GALNT18: variants seen among roughly 807,000 people sequenced by gnomAD.
GALNT18 encodes the protein polypeptide N-acetylgalactosaminyltransferase 18.
Under a neutral mutation model 69.5 loss-of-function variants are expected in GALNT18, and 44 were observed. The ratio of observed to expected loss-of-function variants is 0.63; its 90% CI spans 0.50 to 0.81. The LOEUF (loss-of-function observed/expected upper bound fraction) is 0.81. GALNT18 is among the 40% of genes least tolerant of loss of function. The pLI, the probability that GALNT18 is intolerant of heterozygous loss-of-function variation, is 0.00. For synonymous variants in GALNT18, 364 were observed against 318.2 expected, an observed-to-expected ratio of 1.14 and a Z score of -1.53; for missense variants, 715 against 810.0, an observed-to-expected ratio of 0.88 and a Z score of 1.42.
At position 11,444,324 on chromosome 11, in the gene GALNT18, T is replaced by C. The variant is rs976191081; in HGVS notation, c.428+4420A>G. On this transcript the variant is annotated intron_variant, in intron 2 of 10. Transcript: ENST00000227756. The surrounding 1 kb of genome is among the most constrained non-coding windows in gnomAD (Gnocchi z 4.4). ...TCTGTGACCATCACATCCAGGCCACTGCCTTACTAAAAGCCTGCGAGGACA... is the reference window on the plus strand; with the variant it reads ...TCTGTGACCATCACATCCAGGCCACCGCCTTACTAAAAGCCTGCGAGGACA... Among the ~76,000 whole-genome samples, 1 of 152,214 alleles carries C rather than the reference T, an allele frequency of 6.6e-6. No homozygotes were observed. Among genetic ancestry groups the C allele is most frequent in the East Asian group, 1.9e-4 (1 of 5,186 alleles).
At chr11:11,507,083 G>C (rs1253660453) in intron 1 of GALNT18, among the ~76,000 whole-genome samples, 1 of 152,198 alleles carries the variant, frequency 6.6e-6, no homozygotes, top group Non-Finnish European at 1.5e-5. Context: ...AGGTGAAAGT[G>C]ATCTGTGAGT....
intron 6 of GALNT18, among the ~76,000 whole-genome samples, chr11:11,363,492 A>G (rs1850687388): frequency 6.6e-6 from 1 of 152,158 alleles, no homozygotes; most frequent in African/African-American, 2.4e-5. Flanking sequence ...ATATGCTGAA[A>G]CAGTCTTGAG....
intron 5 of GALNT18, among the ~76,000 whole-genome samples, chr11:11,374,492 C>T (rs577901148): frequency 1.4e-4 from 22 of 152,318 alleles, no homozygotes; most frequent in Non-Finnish European, 2.6e-4. Context: ...TGGCATTTGC[C>T]TCTGCATTCC....
chr11:11,386,676 T>A (rs146792722), intron 3 of GALNT18, among the ~76,000 whole-genome samples: 1 of 152,190 alleles, frequency 6.6e-6, no homozygotes, highest in African/African-American at 2.4e-5. Flanking sequence ...GTATATGTTA[T>A]CTCATTTAAT....
At chr11:11,354,663 T>C (rs1449016891) in intron 6 of GALNT18, among the ~76,000 whole-genome samples, 1 of 152,202 alleles carries the variant, frequency 6.6e-6, no homozygotes, top group Non-Finnish European at 1.5e-5. Flanking sequence ...ATTCCACTGA[T>C]GATAAGATTC....
intron 1 of GALNT18, among the ~76,000 whole-genome samples, chr11:11,507,964 C>A (rs545791315): frequency 5.4e-4 from 83 of 152,310 alleles, no homozygotes; most frequent in African/African-American, 1.9e-3. Flanking sequence ...CGACCACAGA[C>A]TGAAGGCTGC....
At chr11:11,328,358 A>C (rs981024855) in intron 8 of GALNT18, among the ~76,000 whole-genome samples, 3 of 152,138 alleles carry the variant, frequency 2.0e-5, no homozygotes, top group Admixed American at 2.0e-4. Context: ...AGGGGACTGG[A>C]GATCAGAATC....
chr11:11,578,759 C>G (rs369625120), intron 1 of GALNT18, among the ~76,000 whole-genome samples: 5 of 152,212 alleles, frequency 3.3e-5, no homozygotes, highest in Non-Finnish European at 5.9e-5. Context: ...TGCCTTCCTT[C>G]GGGACTCCTG....
intron 10 of GALNT18, among the ~76,000 whole-genome samples, chr11:11,279,236 T>G (rs1173061328): frequency 6.6e-6 from 1 of 152,212 alleles, no homozygotes; most frequent in Admixed American, 6.5e-5. Context: ...CTGTACAGCC[T>G]GAAGAATCAT....
intron 9 of GALNT18, among the ~76,000 whole-genome samples, chr11:11,294,584 C>T (rs1293327728): frequency 6.8e-6 from 1 of 147,112 alleles, no homozygotes; most frequent in African/African-American, 2.5e-5. Context: ...ACTCAACGCT[C>T]CTACTGTAGT....
At position 11,513,799 on chromosome 11, in the gene GALNT18, A is replaced by AT. The variant is rs895960606; in HGVS notation, c.236-64864dup. On this transcript the variant is annotated intron_variant, in intron 1 of 10. Transcript: ENST00000227756. ...CAGGGGGAACATAATTTATTTATTT[A>AT]TTTTTTTTGTAAAGCTTTAAAGGTG... Among the ~76,000 whole-genome samples the AT allele has an allele frequency of 1.1e-4, 16 of 152,102 alleles. No homozygotes were observed. In the East Asian group the frequency reaches 1.7e-3, roughly 16 times the overall value.
chr11:11,275,826 A>G (rs972978895), intron 10 of GALNT18, among the ~76,000 whole-genome samples: 20 of 152,170 alleles, frequency 1.3e-4, no homozygotes, highest in African/African-American at 4.3e-4. Context: ...CAGGTTTGTC[A>G]AAGATCAGAT....
intron 6 of GALNT18, among the ~76,000 whole-genome samples, chr11:11,362,265 T>A (rs1238900628): frequency 6.6e-6 from 1 of 151,854 alleles, no homozygotes; most frequent in Non-Finnish European, 1.5e-5. Context: ...AACCTGAGAG[T>A]GGGTAAGATT....
rs1422613902 is a variant in GALNT18, at chr11:11,590,969, ATTCC to A, written c.235+30386_235+30389del. Among the ~76,000 whole-genome samples, 1 of 152,190 alleles carries A rather than the reference ATTCC, an allele frequency of 6.6e-6. No homozygotes were observed. The highest frequency in any genetic ancestry group is 2.4e-5 in the African/African-American group (1 of 41,446). ...TATTTTTACTATTATTTTAGAATATATTCCTTCTACTTAATTTTTTTTAAGTTAA... is the reference window on the plus strand; with the variant it reads ...TATTTTTACTATTATTTTAGAATATATTCTACTTAATTTTTTTTAAGTTAA... On this transcript the variant is annotated intron_variant, in intron 1 of 10. Transcript: ENST00000227756. This position sits in a 1 kb window ranked among gnomAD's most constrained non-coding sequence, Gnocchi z 4.4.
chr11:11,429,073 AT>A (rs2133788919), intron 3 of GALNT18, among the ~76,000 whole-genome samples: 1 of 152,208 alleles, frequency 6.6e-6, no homozygotes, highest in Non-Finnish European at 1.5e-5. Context: ...CCTGCTCTTT[AT>A]CTTCATCTGG....
Position 11,370,627 on chromosome 11 carries a change from C to A in GALNT18, c.1092+1888G>T, listed in dbSNP as rs147236726. ...CCAGATATCATTGCCAACTGTATTT[C>A]AAACTCTGTACACGAAACCACCCAG... is the stretch of plus-strand genomic sequence containing the variant. On this transcript the variant is annotated intron_variant, in intron 6 of 10. Coordinates refer to ENST00000227756, the MANE Select transcript of GALNT18 (RefSeq NM_198516.3). Among the ~76,000 whole-genome samples, 1,080 of 151,394 alleles carry A rather than the reference C, an allele frequency of 7.1e-3. 11 individuals carry two copies. The highest frequency in any genetic ancestry group is 0.025 in the African/African-American group (1,023 of 41,250).
chr11:11,348,042 T>C (rs1166051158), intron 6 of GALNT18, among the ~76,000 whole-genome samples: 1 of 151,304 alleles, frequency 6.6e-6, no homozygotes, highest in Non-Finnish European at 1.5e-5. Flanking sequence ...CCCTGGGCAT[T>C]TCACTCACCT....
At chr11:11,293,959 A>T (rs16909363) in intron 9 of GALNT18, among the ~76,000 whole-genome samples, 24,390 of 151,992 alleles carry the variant, frequency 0.16, 2,079 homozygotes, top group East Asian at 0.23. Context: ...TGTGCAGAGC[A>T]GGAGGTGGCC....
intron 6 of GALNT18, chr11:11,352,775 G>A (rs778595059): frequency 1.7e-5 from 27 of 1,614,004 alleles, no homozygotes; most frequent in East Asian, 4.5e-5. Context: ...TGTTGTTTAC[G>A]TGTTCAAAAA....
Sources: allele counts gnomAD v4.1 joint callset (sites outside exome capture counted in the v4.1 genomes callset), GRCh38; gene constraint gnomAD v4.1.1; non-coding constraint Gnocchi (gnomAD v3.1); transcripts MANE v1.5; gene names NCBI Gene and HGNC (gene_info 2026-07-23, HGNC 2026-07-21).